The following ANO2 variants were observed in gnomAD, a reference collection of about 807,000 sequenced individuals.
ANO2 encodes anoctamin 2.
ANO2 carries 101 observed loss-of-function variants against 124.2 expected under a neutral mutation model. That is an observed-to-expected ratio of 0.81 (90% CI 0.69 to 0.96). The LOEUF is 0.96. ANO2 is among the 40% of genes least tolerant of loss of function. ANO2 has a pLI of 0.00. For synonymous variants in ANO2, 486 were observed against 482.5 expected (o/e 1.01, Z -0.09); for missense variants, 1,293 against 1,274.5 (o/e 1.01, Z -0.22).
At chr12:5,569,607 C>T (rs1941980580) in intron 23 of ANO2, among the ~76,000 whole-genome samples, 1 of 152,156 alleles carries the variant, frequency 6.6e-6, no homozygotes, top group South Asian at 2.1e-4. Flanking sequence ...GAAGTCATTC[C>T]CCATTTCCGA....
chr12:5,708,737 C>T (rs1194015499), intron 14 of ANO2, among the ~76,000 whole-genome samples: 1 of 152,222 alleles, frequency 6.6e-6, no homozygotes, highest in Admixed American at 6.5e-5. Flanking sequence ...GGGCCCAGCA[C>T]TTGGTAAGAC....
intron 3 of ANO2, among the ~76,000 whole-genome samples, chr12:5,871,302 G>T (rs1937677304): frequency 6.6e-6 from 1 of 152,198 alleles, no homozygotes; most frequent in Admixed American, 6.5e-5. Flanking sequence ...TCAAATAAAA[G>T]AATAATTTCT....
At chr12:5,624,407 G>A (rs1421587432) in intron 16 of ANO2, among the ~76,000 whole-genome samples, 2 of 152,190 alleles carry the variant, frequency 1.3e-5, no homozygotes, top group African/African-American at 4.8e-5. Context: ...TTTTCTCCCT[G>A]TGACAAGGAC....
At chr12:5,715,227 T>C (rs1292354338) in intron 14 of ANO2, among the ~76,000 whole-genome samples, 3 of 152,184 alleles carry the variant, frequency 2.0e-5, no homozygotes, top group Non-Finnish European at 4.4e-5. Flanking sequence ...GGGGGTTTCA[T>C]ACATTTTTCG....
chr12:5,565,365 A>G (rs767558147), intron 24 of ANO2, among the ~76,000 whole-genome samples, 193 bp downstream of exon 24: 2 of 152,144 alleles, frequency 1.3e-5, no homozygotes, highest in Non-Finnish European at 2.9e-5. Context: ...AAGTCCACCC[A>G]TTAAAGAAAG....
chr12:5,656,521 T>C (rs1392360236), intron 14 of ANO2, among the ~76,000 whole-genome samples: 3 of 152,160 alleles, frequency 2.0e-5, no homozygotes, highest in Non-Finnish European at 4.4e-5. Flanking sequence ...CTGATCTTCC[T>C]CTCCTGTCCA....
At chr12:5,827,247 G>C (rs996502441) in intron 7 of ANO2, among the ~76,000 whole-genome samples, 4 of 152,090 alleles carry the variant, frequency 2.6e-5, no homozygotes, top group Non-Finnish European at 5.9e-5. Context: ...AAACCACAGG[G>C]CAAACAGATT....
chr12:5,844,269 T>C (rs575682452), intron 4 of ANO2, among the ~76,000 whole-genome samples: 1 of 152,128 alleles, frequency 6.6e-6, no homozygotes, highest in Non-Finnish European at 1.5e-5. Flanking sequence ...CAGAGAGGTG[T>C]GGTTTGGAGA....
intron 1 of ANO2, among the ~76,000 whole-genome samples, chr12:5,939,461 C>T (rs953163788): frequency 4.6e-5 from 7 of 152,088 alleles, no homozygotes; most frequent in African/African-American, 9.7e-5. Flanking sequence ...CCATCCCTGC[C>T]TTTGAGTATC....
chr12:5,785,997 G>T (rs986767884), intron 10 of ANO2, among the ~76,000 whole-genome samples: 3 of 150,742 alleles, frequency 2.0e-5, no homozygotes, highest in Non-Finnish European at 4.4e-5. Context: ...CCAGAGAGGC[G>T]AAAGAAAACA....
chr12:5,665,182 C>T (rs1394967618), intron 14 of ANO2, among the ~76,000 whole-genome samples: 1 of 152,160 alleles, frequency 6.6e-6, no homozygotes, highest in Non-Finnish European at 1.5e-5. Flanking sequence ...GGCTACTGGA[C>T]CTCCAAGAAG....
intron 10 of ANO2, among the ~76,000 whole-genome samples, chr12:5,794,584 T>C (rs547384429): frequency 4.1e-4 from 62 of 152,328 alleles, no homozygotes; most frequent in African/African-American, 1.5e-3. Flanking sequence ...GGAAGTCTTG[T>C]CTTATTCCTC....
At chr12:5,725,457 T>C (rs1216943402) in intron 14 of ANO2, among the ~76,000 whole-genome samples, 2 of 152,198 alleles carry the variant, frequency 1.3e-5, no homozygotes, top group Non-Finnish European at 2.9e-5. Context: ...GCTTTGCCGG[T>C]TGCTTTCAGA....
chr12:5,917,941 G>T (rs555148819), intron 3 of ANO2, among the ~76,000 whole-genome samples: 1 of 152,146 alleles, frequency 6.6e-6, no homozygotes, highest in Admixed American at 6.5e-5. Context: ...TCATGAGCTA[G>T]TAAGTCAGGC....
At chr12:5,907,636 GA>G (rs549099501) in intron 3 of ANO2, among the ~76,000 whole-genome samples, 1,602 of 150,956 alleles carry the variant, frequency 0.011, 12 homozygotes, top group Middle Eastern at 0.031. Flanking sequence ...TAAAGAGGGG[GA>G]AAAAAAAAGG....
chr12:5,849,819 C>T (rs924089749), intron 4 of ANO2, among the ~76,000 whole-genome samples: 7 of 152,110 alleles, frequency 4.6e-5, no homozygotes, highest in African/African-American at 7.2e-5. Flanking sequence ...TCTTCCTCCA[C>T]GCTCCCCTCG....
intron 14 of ANO2, among the ~76,000 whole-genome samples, chr12:5,727,817 T>C (rs1040642976): frequency 6.7e-6 from 1 of 150,058 alleles, no homozygotes; most frequent in Non-Finnish European, 1.5e-5. Context: ...TTTTCTTTTT[T>C]TTTTTTCGAG....
At position 5,658,673 on chromosome 12, in the gene ANO2, CATT is replaced by C. The variant is rs1947292041; in HGVS notation, c.1546-10875_1546-10873del. On this transcript the variant is annotated intron_variant, in intron 14 of 24. Coordinates refer to ENST00000682330, the MANE Select transcript of ANO2 (RefSeq NM_001364791.2). This position sits in a 1 kb window ranked among gnomAD's most constrained non-coding sequence, Gnocchi z 4.3. ...ATATCATCATCATCATCATCAACAT[CATT>C]ATCATCATTAAATCATCATCAGCAT... Among the ~76,000 whole-genome samples, 1 of 151,862 alleles carries C rather than the reference CATT, an allele frequency of 6.6e-6. No homozygotes were observed. Among genetic ancestry groups the C allele is most frequent in the South Asian group, 2.1e-4 (1 of 4,818 alleles).
At position 5,746,747 on chromosome 12, in the gene ANO2, C is replaced by T. The variant is rs186043812; in HGVS notation, c.1191-2430G>A. Among the ~76,000 whole-genome samples the T allele has an allele frequency of 5.9e-5, 9 of 152,236 alleles. No individual in the cohort carries two copies. The South Asian group carries it at 1.2e-3, about 21-fold the overall frequency. On this transcript the variant is annotated intron_variant, in intron 11 of 24. Transcript: ENST00000682330. ...GTGATTCAGAGCCCTGTTAGCACAACGGGAGAAGGTACAAAGAGGCAATCA... is the reference window on the plus strand; with the variant it reads ...GTGATTCAGAGCCCTGTTAGCACAATGGGAGAAGGTACAAAGAGGCAATCA...
Sources: gnomAD v4.1 joint callset for allele counts (sites outside exome capture counted in the v4.1 genomes callset) on GRCh38, gnomAD v4.1.1 for gene constraint, Gnocchi (gnomAD v3.1) non-coding constraint, MANE v1.5 for transcripts, NCBI Gene and HGNC (gene_info 2026-07-23, HGNC 2026-07-21) for gene names.